ATIC: variants seen among roughly 807,000 people sequenced by gnomAD.
ATIC encodes 5-aminoimidazole-4-carboxamide ribonucleotide formyltransferase/IMP cyclohydrolase, also known as bifunctional purine biosynthesis protein ATIC.
In ATIC, 64 loss-of-function variants were observed where a neutral mutation model predicts 72.5. The observed-to-expected ratio is 0.88, with a 90% CI of 0.72 to 1.09. The LOEUF is 1.09. Among genes scored for constraint, ATIC ranks in the 50% least tolerant of loss-of-function variants. ATIC has a pLI of 0.00. For missense variants in ATIC, 787 were observed against 732.4 expected, an observed-to-expected ratio of 1.07 and a Z score of -0.86; for synonymous variants, 281 against 267.1, an observed-to-expected ratio of 1.05 and a Z score of -0.51.
At chr2:215,315,040 A>G (rs1371987004) in intron 2 of ATIC, among the ~76,000 whole-genome samples, 1 of 152,160 alleles carries the variant, frequency 6.6e-6, no homozygotes, top group Non-Finnish European at 1.5e-5. Flanking sequence ...CAGCAAGGAT[A>G]TGGTGTATGC....
the ATIC span, chr2:215,361,907 G>C: frequency 9.6e-3 from 15,041 of 1,560,622 alleles, 121 homozygotes; most frequent in Non-Finnish European, 0.01. Context: ...TCTGAAGAAA[G>C]ATACCTGTAG....
At chr2:215,351,927 C>G (rs1575128817), downstream of ATIC, among the ~76,000 whole-genome samples, 1 of 152,178 alleles carries the variant, frequency 6.6e-6, no homozygotes, top group Non-Finnish European at 1.5e-5. Flanking sequence ...CCTTTTTGGT[C>G]TTCTTTCCAA....
intron 7 of ATIC, among the ~76,000 whole-genome samples, chr2:215,331,507 C>T (rs1193746908): frequency 6.6e-6 from 1 of 151,782 alleles, no homozygotes. Context: ...CTCAGCCTCC[C>T]TAGTAGCTGG....
intron 1 of ATIC, 128 bp downstream of exon 1, chr2:215,312,289 G>C (rs1408991606): frequency 6.9e-7 from 1 of 1,442,758 alleles, no homozygotes; most frequent in Non-Finnish European, 9.1e-7. Flanking sequence ...CAGCGTCCCC[G>C]CTCCCCGGCC....
chr2:215,312,311 T>A, intron 1 of ATIC, 150 bp downstream of exon 1: 1 of 1,446,926 alleles, frequency 6.9e-7, no homozygotes, highest in Non-Finnish European at 9.2e-7. Context: ...GGCCGCAGCC[T>A]GCGTGGGGCC....
chr2:215,360,823 C>T, the ATIC span: 1 of 152,332 alleles, frequency 6.6e-6, no homozygotes, highest in African/African-American at 2.4e-5. Flanking sequence ...GGAATTATTT[C>T]CCCCGAAGGT....
chr2:215,317,247 T>TC (rs753833711), intron 2 of ATIC, among the ~76,000 whole-genome samples: 1 of 152,242 alleles, frequency 6.6e-6, no homozygotes, highest in Non-Finnish European at 1.5e-5. Flanking sequence ...TACTTTTTTT[T>TC]CCCATGTAAA....
chr2:215,331,381 GTTT>G (rs66928848), intron 7 of ATIC, among the ~76,000 whole-genome samples: 4 of 117,502 alleles, frequency 3.4e-5, no homozygotes, highest in Admixed American at 9.4e-5. Context: ...TGTTTTTTGG[GTTT>G]TTTTTTTTTT....
chr2:215,366,794 A>C, the ATIC span, among the ~76,000 whole-genome samples: 1 of 152,158 alleles, frequency 6.6e-6, no homozygotes. Context: ...AATTGCACCT[A>C]AGTGCTCAAA....
downstream of ATIC, among the ~76,000 whole-genome samples, chr2:215,351,053 T>C (rs576323028): frequency 2.0e-5 from 3 of 152,352 alleles, no homozygotes; most frequent in South Asian, 6.2e-4. Flanking sequence ...ATAAGACTTT[T>C]GAGGCTAGGT....
At chr2:215,361,954 T>G in the ATIC span, 1 of 1,612,312 alleles carries the variant, frequency 6.2e-7, no homozygotes, top group Non-Finnish European at 8.5e-7. Flanking sequence ...ACACTTGTGC[T>G]GCTAATGCAC....
At chr2:215,363,841 T>C in the ATIC span, among the ~76,000 whole-genome samples, 1 of 152,216 alleles carries the variant, frequency 6.6e-6, no homozygotes, top group Non-Finnish European at 1.5e-5. Context: ...ACTGGGCATA[T>C]TTTAGAAATG....
At chr2:215,320,927 A>T (rs1362100498) in intron 4 of ATIC, among the ~76,000 whole-genome samples, 1 of 151,890 alleles carries the variant, frequency 6.6e-6, no homozygotes, top group Non-Finnish European at 1.5e-5. Context: ...CAGAGTGAGG[A>T]CTCATTATGG....
downstream of ATIC, among the ~76,000 whole-genome samples, chr2:215,353,634 T>C (rs530543047): frequency 3.3e-5 from 5 of 152,270 alleles, no homozygotes; most frequent in East Asian, 9.7e-4. Context: ...TGCTCTCAGC[T>C]CACTGCAACC....
At chr2:215,361,910 A>T in the ATIC span, 1 of 1,601,060 alleles carries the variant, frequency 6.2e-7, no homozygotes, top group Non-Finnish European at 8.5e-7. Context: ...GAAGAAAGAT[A>T]CCTGTAGAAA....
chr2:215,335,025 C>G, intron 10 of ATIC, 21 bp downstream of exon 10: 3 of 1,566,424 alleles, frequency 1.9e-6, no homozygotes, highest in Middle Eastern at 1.7e-4. Context: ...ATTCATGTAT[C>G]TTAATCTGTG....
At chr2:215,326,736 T>G in intron 6 of ATIC, 86 bp from the exon 7 acceptor site, 1 of 1,503,926 alleles carries the variant, frequency 6.6e-7, no homozygotes, top group Non-Finnish European at 9.2e-7. Flanking sequence ...AGTGAGGAGA[T>G]GTTGTTTGCT....
intron 12 of ATIC, among the ~76,000 whole-genome samples, chr2:215,339,303 A>AG (rs2052991088): frequency 6.6e-6 from 1 of 152,190 alleles, no homozygotes; most frequent in Non-Finnish European, 1.5e-5. Flanking sequence ...AGCTCTCTTG[A>AG]GGTCAGGAGT....
intron 13 of ATIC, 38 bp downstream of exon 13, chr2:215,344,909 GT>G: frequency 6.3e-7 from 1 of 1,575,560 alleles, no homozygotes; most frequent in Non-Finnish European, 8.7e-7. Context: ...GGGGACTGTT[GT>G]TTTACGAAAT....
Sources: gnomAD v4.1 joint callset for allele counts (sites outside exome capture counted in the v4.1 genomes callset) on GRCh38, gnomAD v4.1.1 for gene constraint, MANE v1.5 for transcripts, NCBI Gene and HGNC (gene_info 2026-07-23, HGNC 2026-07-21) for gene names.